The following IKZF1 variants were observed in gnomAD, a reference collection of about 807,000 sequenced individuals.
IKZF1 encodes DNA-binding protein Ikaros.
IKZF1 carries 10 observed loss-of-function variants against 51.7 expected under a neutral mutation model. The observed-to-expected ratio is 0.19, with a 90% confidence interval of 0.12 to 0.33. The LOEUF is 0.33. Ranked by LOEUF, IKZF1 falls within the 10% of genes least tolerant of loss-of-function variation. The pLI, the probability that IKZF1 is intolerant of heterozygous loss-of-function variation, is 1.00. For missense variants in IKZF1, 484 were observed against 707.5 expected, an observed-to-expected ratio of 0.68 and a Z score of 3.58; for synonymous variants, 280 against 282.3, an observed-to-expected ratio of 0.99 and a Z score of 0.08.
intron 1 of IKZF1, among the ~76,000 whole-genome samples, chr7:50,310,051 C>A (rs1789785660): frequency 6.6e-6 from 1 of 152,152 alleles, no homozygotes; most frequent in Admixed American, 6.5e-5. Flanking sequence ...AGATTCACTG[C>A]AAAAACATAT....
At chr7:50,348,237 A>G (rs967315977) in intron 3 of IKZF1, among the ~76,000 whole-genome samples, 1 of 152,220 alleles carries the variant, frequency 6.6e-6, no homozygotes, top group Non-Finnish European at 1.5e-5. Context: ...GTTTGTCAGA[A>G]AAATAAATTC....
At chr7:50,310,499 A>G (rs1789898122) in intron 1 of IKZF1, among the ~76,000 whole-genome samples, 1 of 152,160 alleles carries the variant, frequency 6.6e-6, no homozygotes, top group Non-Finnish European at 1.5e-5. Flanking sequence ...CTGAGGTTTT[A>G]CTGATGAGCC....
intron 1 of IKZF1, among the ~76,000 whole-genome samples, chr7:50,311,820 GC>G (rs968125088): frequency 6.6e-6 from 1 of 152,042 alleles, no homozygotes; most frequent in Non-Finnish European, 1.5e-5. Flanking sequence ...ACACCATATG[GC>G]CTTGCTGAGG....
chr7:50,316,765 A>G (rs551429132), intron 1 of IKZF1, among the ~76,000 whole-genome samples: 39 of 152,388 alleles, frequency 2.6e-4, no homozygotes, highest in African/African-American at 8.9e-4. Flanking sequence ...GTCTCCATGC[A>G]GCAAACTCAG....
intron 3 of IKZF1, among the ~76,000 whole-genome samples, chr7:50,364,586 C>A (rs1192732550): frequency 6.6e-6 from 1 of 152,186 alleles, no homozygotes; most frequent in Non-Finnish European, 1.5e-5. Context: ...TTATGACAAG[C>A]AAGAGGGTCA....
intron 3 of IKZF1, among the ~76,000 whole-genome samples, chr7:50,352,645 T>G (rs1030139561): frequency 1.3e-5 from 2 of 152,214 alleles, no homozygotes; most frequent in African/African-American, 4.8e-5. Flanking sequence ...TTAAGTTTAG[T>G]GTTTCAGAAT....
chr7:50,356,317 G>A (rs1187697151), intron 3 of IKZF1, among the ~76,000 whole-genome samples: 1 of 152,220 alleles, frequency 6.6e-6, no homozygotes, highest in Non-Finnish European at 1.5e-5. Flanking sequence ...GGGACAGATG[G>A]TCTGGAGCCA....
rs1818267068 is a variant in IKZF1, at chr7:50,402,284, A to T, written c.*1657A>T. ...AACAGAGAGGAAATTGTACATAAGT[A>T]CCTCAGCATTTAATCCAAACAGGGG... On this transcript the variant is annotated 3_prime_UTR_variant, in exon 8 of 8. Coordinates refer to ENST00000331340, the MANE Select transcript of IKZF1 (RefSeq NM_006060.6). 4.3e-6 allele frequency: 1 copy of T among 230,716 alleles called. No homozygotes were observed. Among genetic ancestry groups the T allele is most frequent in the Non-Finnish European group, 8.6e-6 (1 of 116,386 alleles). 14.3% of individuals were successfully genotyped at this position (230,716 alleles called of 1,614,324 possible).
chr7:50,316,408 C>G (rs949217746), intron 1 of IKZF1, among the ~76,000 whole-genome samples: 10 of 152,196 alleles, frequency 6.6e-5, no homozygotes, highest in African/African-American at 2.2e-4. Flanking sequence ...CACAGGTCTC[C>G]ATGCTGGGGC....
At chr7:50,356,050 C>T (rs1803268790) in intron 3 of IKZF1, among the ~76,000 whole-genome samples, 1 of 152,206 alleles carries the variant, frequency 6.6e-6, no homozygotes, top group Non-Finnish European at 1.5e-5. Context: ...CTCATTTTCC[C>T]TCAGTTTCAG....
chr7:50,374,094 C>A (rs1186667291), intron 3 of IKZF1, among the ~76,000 whole-genome samples: 1 of 152,188 alleles, frequency 6.6e-6, no homozygotes, highest in East Asian at 1.9e-4. Context: ...CTTCTGTGGT[C>A]TCCAAGTCCA....
intron 3 of IKZF1, among the ~76,000 whole-genome samples, chr7:50,365,998 C>T (rs1806821790): frequency 6.6e-6 from 1 of 152,108 alleles, no homozygotes; most frequent in South Asian, 2.1e-4. Flanking sequence ...AGCTGGAGGC[C>T]ATTATCCTTA....
chr7:50,354,225 C>T (rs1333336774), intron 3 of IKZF1, among the ~76,000 whole-genome samples: 1 of 152,174 alleles, frequency 6.6e-6, no homozygotes, highest in Non-Finnish European at 1.5e-5. Context: ...GGTTCATGAA[C>T]GGTGATCCTG....
In IKZF1 at chr7:50,403,424, C is replaced by T. The variant is rs566316524; in HGVS notation, c.*2797C>T. ...TGTGTGCCTAGATTCCATGCACTCT[C>T]GTTGTGTTTGAAGTAAATATTGGAG... On this transcript the variant is annotated 3_prime_UTR_variant, in exon 8 of 8. Transcript: ENST00000331340. The T allele has an allele frequency of 4.5e-6, 1 of 222,924 alleles. No homozygotes were observed. The highest frequency in any genetic ancestry group is 2.2e-5 in the African/African-American group (1 of 44,672). The allele number at this position is 222,924 out of a possible 1,614,324, so 13.8% of individuals were successfully genotyped here.
chr7:50,377,010 A>G (rs1364743069), intron 4 of IKZF1: 4 of 729,088 alleles, frequency 5.5e-6, no homozygotes, highest in Admixed American at 6.3e-5. Context: ...ATTCCACCCT[A>G]TAAATAAAAC....
chr7:50,387,261 G>T, intron 5 of IKZF1, 84 bp from the exon 6 acceptor site: 2 of 1,436,382 alleles, frequency 1.4e-6, no homozygotes, highest in South Asian at 1.5e-5. Context: ...TAACTTTTTT[G>T]GTAATAATTG....
chr7:50,311,430 T>A (rs1333232683), intron 1 of IKZF1, among the ~76,000 whole-genome samples: 1 of 152,156 alleles, frequency 6.6e-6, no homozygotes, highest in Non-Finnish European at 1.5e-5. Flanking sequence ...TGAGGAAAAT[T>A]TATAGTACCT....
At chr7:50,354,355 G>C (rs963278939) in intron 3 of IKZF1, among the ~76,000 whole-genome samples, 1 of 152,186 alleles carries the variant, frequency 6.6e-6, no homozygotes, top group Non-Finnish European at 1.5e-5. Flanking sequence ...GCAGCCTGGC[G>C]GAGGTGAGCA....
chr7:50,396,493 A>T (rs1233233860), intron 7 of IKZF1, among the ~76,000 whole-genome samples: 1 of 152,250 alleles, frequency 6.6e-6, no homozygotes, highest in Non-Finnish European at 1.5e-5. Context: ...TGAAGCAATT[A>T]TGAGGCATTT....
Sources: allele counts gnomAD v4.1 joint callset (sites outside exome capture counted in the v4.1 genomes callset), GRCh38; gene constraint gnomAD v4.1.1; transcripts MANE v1.5; gene names NCBI Gene and HGNC (gene_info 2026-07-23, HGNC 2026-07-21).